Variants in SLC24A2 observed in about 807,000 individuals in gnomAD.
SLC24A2 encodes solute carrier family 24 member 2.
Under a neutral mutation model 62.0 loss-of-function variants are expected in SLC24A2, and 36 were observed. That is an observed-to-expected ratio of 0.58 (90% CI 0.44 to 0.77). The LOEUF is 0.77. Ranked by LOEUF, SLC24A2 falls within the 30% of genes least tolerant of loss-of-function variation. The probability of loss-of-function intolerance (pLI) is 0.00; values close to 1 mark genes in which losing one functional copy is unlikely to be tolerated. For synonymous variants in SLC24A2, 358 were observed against 294.0 expected, an observed-to-expected ratio of 1.22 and a Z score of -2.23; for missense variants, 846 against 817.9, an observed-to-expected ratio of 1.03 and a Z score of -0.42.
chr9:19,874,996 CAAAAAAAAAAA>C, the SLC24A2 span, among the ~76,000 whole-genome samples: 1 of 96,752 alleles, frequency 1.0e-5, no homozygotes, highest in Admixed American at 1.1e-4. Context: ...TCCAGAATTA[CAAAAAAAAAAA>C]AAAAAAAAAA....
chr9:19,810,447 A>G, the SLC24A2 span, among the ~76,000 whole-genome samples: 10 of 152,378 alleles, frequency 6.6e-5, no homozygotes, highest in South Asian at 6.2e-4. Context: ...TGATTAAGCC[A>G]AACAGTTCGA....
At position 19,547,836 on chromosome 9, in the gene SLC24A2, G is replaced by C. The variant is rs928963293; in HGVS notation, c.1479+2301C>G. Reference sequence around the variant, plus strand: ...TAAACAGCAGAGCAAGAGAGAGAGAGAGACAGACAGAGAGAGGAGAGACAA... The same window carrying C: ...TAAACAGCAGAGCAAGAGAGAGAGACAGACAGACAGAGAGAGGAGAGACAA... On this transcript the variant is annotated intron_variant, in intron 8 of 10. Transcript: ENST00000341998. Among the ~76,000 whole-genome samples, 77 of 151,816 alleles carry C rather than the reference G, an allele frequency of 5.1e-4. 3 individuals are homozygous for C. Among genetic ancestry groups the C allele is most frequent in the African/African-American group, 1.8e-3 (75 of 41,064 alleles).
chr9:19,920,104 A>G, the SLC24A2 span, among the ~76,000 whole-genome samples: 3 of 152,106 alleles, frequency 2.0e-5, no homozygotes, highest in East Asian at 5.8e-4. Flanking sequence ...GGGGTCCTTG[A>G]TATAGTCATG....
chr9:20,277,815 A>G, the SLC24A2 span, among the ~76,000 whole-genome samples: 2 of 152,224 alleles, frequency 1.3e-5, no homozygotes, highest in African/African-American at 4.8e-5. Flanking sequence ...TGTTCACAAT[A>G]GCAAAGACTT....
the SLC24A2 span, among the ~76,000 whole-genome samples, chr9:20,297,562 C>T: frequency 1.3e-5 from 2 of 152,198 alleles, no homozygotes; most frequent in African/African-American, 4.8e-5. Context: ...GACCCACCTG[C>T]CTCAGGGACA....
At chr9:20,170,799 A>T in the SLC24A2 span, among the ~76,000 whole-genome samples, 1 of 152,056 alleles carries the variant, frequency 6.6e-6, no homozygotes, top group Admixed American at 6.6e-5. Flanking sequence ...TATTTAGTGG[A>T]AGAATAGAGG....
chr9:19,733,182 A>G (rs767668745), intron 2 of SLC24A2, among the ~76,000 whole-genome samples: 4 of 151,950 alleles, frequency 2.6e-5, no homozygotes, highest in Non-Finnish European at 5.9e-5. Flanking sequence ...CTGAGTCTCA[A>G]TGATGGGGAG....
chr9:20,037,508 G>A, the SLC24A2 span, among the ~76,000 whole-genome samples: 1 of 152,158 alleles, frequency 6.6e-6, no homozygotes, highest in Non-Finnish European at 1.5e-5. Flanking sequence ...TGGGTGTACA[G>A]ATATCTCCTT....
intron 2 of SLC24A2, among the ~76,000 whole-genome samples, chr9:19,760,744 CT>C (rs754144554): frequency 1.3e-5 from 2 of 151,678 alleles, no homozygotes; most frequent in Non-Finnish European, 2.9e-5. Context: ...TATGTGCCAC[CT>C]TTTTTTTAAT....
chr9:20,305,810 C>A, the SLC24A2 span, among the ~76,000 whole-genome samples: 5 of 152,180 alleles, frequency 3.3e-5, no homozygotes, highest in Non-Finnish European at 7.3e-5. Flanking sequence ...GTACCATAGA[C>A]TGGGCAGCTT....
chr9:19,940,288 C>T, the SLC24A2 span, among the ~76,000 whole-genome samples: 3 of 152,174 alleles, frequency 2.0e-5, no homozygotes, highest in Non-Finnish European at 2.9e-5. Flanking sequence ...AGGCTTTTGC[C>T]AACTGTTCCA....
At chr9:20,081,520 C>T in the SLC24A2 span, among the ~76,000 whole-genome samples, 1 of 151,102 alleles carries the variant, frequency 6.6e-6, no homozygotes, top group African/African-American at 2.4e-5. Context: ...AGGAGATATA[C>T]CTAAGGTTAA....
At chr9:19,761,464 A>G (rs1822325474) in intron 2 of SLC24A2, among the ~76,000 whole-genome samples, 1 of 131,138 alleles carries the variant, frequency 7.6e-6, no homozygotes, top group Non-Finnish European at 1.6e-5. Context: ...TCATTTTTTA[A>G]TTTTTTTATT....
the SLC24A2 span, among the ~76,000 whole-genome samples, chr9:20,078,162 G>A: frequency 9.2e-5 from 14 of 152,114 alleles, no homozygotes; most frequent in African/African-American, 3.4e-4. Context: ...GAGCACCAAC[G>A]CAGAGAATTC....
the SLC24A2 span, among the ~76,000 whole-genome samples, chr9:19,989,164 G>A: frequency 1.3e-5 from 2 of 152,224 alleles, no homozygotes; most frequent in Non-Finnish European, 2.9e-5. Flanking sequence ...TGTTTGGTAA[G>A]TAGAGTTCAT....
At chr9:20,200,048 A>G in the SLC24A2 span, among the ~76,000 whole-genome samples, 568 of 152,036 alleles carry the variant, frequency 3.7e-3, 2 homozygotes, top group African/African-American at 0.013. Context: ...GGTTTTCATA[A>G]TGAATATAGT....
intron 2 of SLC24A2, among the ~76,000 whole-genome samples, chr9:19,624,955 G>A (rs1044246250): frequency 6.6e-6 from 1 of 152,146 alleles, no homozygotes; most frequent in Non-Finnish European, 1.5e-5. Flanking sequence ...CAATTTTAAA[G>A]GGGTTTAATT....
chr9:19,893,780 T>G, the SLC24A2 span, among the ~76,000 whole-genome samples: 1 of 152,132 alleles, frequency 6.6e-6, no homozygotes, highest in Non-Finnish European at 1.5e-5. Flanking sequence ...TGAGTTGTAT[T>G]TTCCTCTCTC....
At chr9:19,937,306 A>T in the SLC24A2 span, among the ~76,000 whole-genome samples, 1 of 152,232 alleles carries the variant, frequency 6.6e-6, no homozygotes, top group Non-Finnish European at 1.5e-5. Flanking sequence ...GCATGGAGAG[A>T]TGATTAACAT....
Sources: allele counts gnomAD v4.1 joint callset (sites outside exome capture counted in the v4.1 genomes callset), GRCh38; gene constraint gnomAD v4.1.1; transcripts MANE v1.5; gene names NCBI Gene and HGNC (gene_info 2026-07-23, HGNC 2026-07-21).